The following L3HYPDH variants were observed in gnomAD, a reference collection of about 807,000 sequenced individuals.
L3HYPDH encodes the protein trans-3-hydroxy-L-proline dehydratase.
In L3HYPDH, 32 loss-of-function variants were observed where a neutral mutation model predicts 26.5. The observed-to-expected ratio is 1.21, with a 90% CI of 0.91 to 1.62. The LOEUF (loss-of-function observed/expected upper bound fraction) is 1.62, where lower values mean the gene tolerates loss of function less well. Among genes scored for constraint, L3HYPDH ranks in the 40% most tolerant of loss-of-function variants. The pLI is 0.00. For synonymous variants in L3HYPDH, 215 were observed against 196.6 expected, an observed-to-expected ratio of 1.09 and a Z score of -0.78; for missense variants, 554 against 476.4, an observed-to-expected ratio of 1.16 and a Z score of -1.52.
chr14:59,501,213 A>G, the L3HYPDH span: 4 of 1,601,370 alleles, frequency 2.5e-6, no homozygotes, highest in South Asian at 2.2e-5. Flanking sequence ...CATACATTAT[A>G]TTAGTGTTAT....
At chr14:59,505,152 A>C in the L3HYPDH span, 1 of 588,138 alleles carries the variant, frequency 1.7e-6, no homozygotes, top group South Asian at 3.5e-5. Flanking sequence ...TAAGACTTCT[A>C]TTAACAGCTG....
chr14:59,483,638 C>G, intron 1 of L3HYPDH, 171 bp downstream of exon 1: 3 of 1,439,170 alleles, frequency 2.1e-6, no homozygotes, highest in Non-Finnish European at 1.8e-6. Flanking sequence ...ATTACACGCA[C>G]CAAATACGCA....
the L3HYPDH span, chr14:59,504,074 T>C: frequency 6.3e-7 from 1 of 1,594,912 alleles, no homozygotes; most frequent in Non-Finnish European, 8.6e-7. Context: ...GGACACTGAG[T>C]GTAGACATGT....
chr14:59,504,172 C>G, the L3HYPDH span: 2 of 695,220 alleles, frequency 2.9e-6, no homozygotes, highest in South Asian at 3.7e-5. Context: ...TATATGGGAA[C>G]AAGATTGTCA....
chr14:59,472,110 G>A (rs78760369), downstream of L3HYPDH, among the ~76,000 whole-genome samples: 2,296 of 152,234 alleles, frequency 0.015, 62 homozygotes, highest in African/African-American at 0.051. Context: ...CTCAGGGAGC[G>A]TCACATCTTA....
intron 1 of L3HYPDH, among the ~76,000 whole-genome samples, chr14:59,481,878 A>G (rs1186444518): frequency 6.6e-6 from 1 of 152,144 alleles, no homozygotes; most frequent in African/African-American, 2.4e-5. Flanking sequence ...ATTTCTCCTA[A>G]AAGAGTTGTT....
chr14:59,498,034 C>CT, the L3HYPDH span, among the ~76,000 whole-genome samples: 5 of 151,246 alleles, frequency 3.3e-5, no homozygotes, highest in South Asian at 2.1e-4. Flanking sequence ...CTTTCTACAG[C>CT]TTTTTTTTTC....
chr14:59,493,514 T>G, the L3HYPDH span, among the ~76,000 whole-genome samples: 1 of 152,204 alleles, frequency 6.6e-6, no homozygotes, highest in Non-Finnish European at 1.5e-5. Context: ...TTGAGGTAGT[T>G]TGCTATGCAA....
Position 59,472,919 on chromosome 14 carries a change from G to A in L3HYPDH, c.*46C>T. On this transcript the variant is annotated 3_prime_UTR_variant, in exon 5 of 5. Transcript: ENST00000247194. ...TAATTTAGAGAAAACAGTCCTTAAG[G>A]ATAATGATTACTTTAAAAAGAAAGC... The A allele has an allele frequency of 6.6e-7, 1 of 1,519,158 alleles. No homozygotes were observed. The highest frequency in any genetic ancestry group is 1.8e-4 in the Middle Eastern group (1 of 5,692). The allele number at this position is 1,519,158 out of a possible 1,614,324, so 94.1% of individuals were successfully genotyped here.
At chr14:59,476,527 C>A (rs148201640) in intron 2 of L3HYPDH, among the ~76,000 whole-genome samples, 215 of 152,296 alleles carry the variant, frequency 1.4e-3, no homozygotes, top group African/African-American at 5.0e-3. Context: ...CTTTGCAGCA[C>A]TGACCCCAGG....
At chr14:59,470,610 G>A (rs1278079064), downstream of L3HYPDH, among the ~76,000 whole-genome samples, 1 of 152,128 alleles carries the variant, frequency 6.6e-6, no homozygotes, top group Non-Finnish European at 1.5e-5. Context: ...AGCACCAAGG[G>A]ACTAGAGTTG....
chr14:59,474,761 G>A, intron 4 of L3HYPDH: 3 of 378,586 alleles, frequency 7.9e-6, no homozygotes, highest in Non-Finnish European at 1.4e-5. Flanking sequence ...AAATGAGATG[G>A]CATGTATCAA....
At chr14:59,485,237 GC>G, upstream of L3HYPDH, 1 of 1,066,402 alleles carries the variant, frequency 9.4e-7, no homozygotes, top group Non-Finnish European at 1.3e-6. Flanking sequence ...TAGATGTAAA[GC>G]CCATACAGAA....
At chr14:59,477,811 G>A (rs540814092) in intron 2 of L3HYPDH, among the ~76,000 whole-genome samples, 74 of 152,106 alleles carry the variant, frequency 4.9e-4, no homozygotes, top group Non-Finnish European at 8.4e-4. Context: ...ATAATTATTC[G>A]TACATTAGAC....
chr14:59,470,164 T>C (rs1325791928), downstream of L3HYPDH, among the ~76,000 whole-genome samples: 1 of 152,068 alleles, frequency 6.6e-6, no homozygotes, highest in Non-Finnish European at 1.5e-5. Flanking sequence ...AACAGGCTTT[T>C]CATGTGTTTC....
chr14:59,483,710 A>AGTAGTTAGT (rs1264615388), intron 1 of L3HYPDH, 99 bp downstream of exon 1: 1 of 1,510,320 alleles, frequency 6.6e-7, no homozygotes, highest in Non-Finnish European at 8.8e-7. Context: ...TTCGCGGAGT[A>AGTAGTTAGT]GGTTAGTTGC....
At chr14:59,474,663 C>T (rs1358465961) in intron 4 of L3HYPDH, 1 of 573,304 alleles carries the variant, frequency 1.7e-6, no homozygotes, top group East Asian at 3.0e-5. Context: ...TGGTAAATTA[C>T]CTAACTTCTC....
chr14:59,497,876 C>G, the L3HYPDH span, among the ~76,000 whole-genome samples: 1 of 152,090 alleles, frequency 6.6e-6, no homozygotes, highest in Admixed American at 6.6e-5. Context: ...CTGCTGACTT[C>G]CTAGGACACT....
upstream of L3HYPDH, chr14:59,487,514 T>G: frequency 1.8e-6 from 1 of 557,676 alleles, no homozygotes; most frequent in South Asian, 2.8e-5. Flanking sequence ...CAATATAGAT[T>G]TCTTTTTATT....
Sources: gnomAD v4.1 joint callset for allele counts (sites outside exome capture counted in the v4.1 genomes callset) on GRCh38, gnomAD v4.1.1 for gene constraint, MANE v1.5 for transcripts, NCBI Gene and HGNC (gene_info 2026-07-23, HGNC 2026-07-21) for gene names.